Variants in STAB1 observed in about 807,000 individuals in gnomAD.
The protein encoded by STAB1 is stabilin-1.
STAB1 carries 250 observed loss-of-function variants against 332.4 expected under a neutral mutation model. The ratio of observed to expected loss-of-function variants is 0.75; its 90% confidence interval spans 0.68 to 0.84. The LOEUF (loss-of-function observed/expected upper bound fraction) is 0.84, where lower values mean the gene tolerates loss of function less well. STAB1 is among the 40% of genes least tolerant of loss of function. The probability of loss-of-function intolerance (pLI) is 0.00; values close to 1 mark genes in which losing one functional copy is unlikely to be tolerated. For synonymous variants in STAB1, 1,475 were observed against 1,390.4 expected, an observed-to-expected ratio of 1.06 and a Z score of -1.35; for missense variants, 3,249 against 3,489.7, an observed-to-expected ratio of 0.93 and a Z score of 1.74.
chr3:52,510,573 C>G, intron 25 of STAB1, 66 bp downstream of exon 25: 1 of 1,547,988 alleles, frequency 6.5e-7, no homozygotes, highest in Non-Finnish European at 8.7e-7. Context: ...CCCCATCTGA[C>G]TCCTGGAATG....
rs757518891 is a variant in STAB1 at position 52,514,016 on chromosome 3, CG to C, written c.3447+40del. ...GCTGGCAAGAGGGGATGTGCCTGCT[CG>C]GGGGACACTGTGCCCCAGGTCCAGA... On this transcript the variant is annotated intron_variant, in intron 32 of 68. Transcript: ENST00000321725. 1.1e-5 allele frequency: 17 copies of C among 1,592,100 alleles called. No individual in the cohort carries two copies. In the African/African-American group the frequency reaches 1.9e-4, roughly 18 times the overall value.
rs141430355 is a variant in STAB1, at chr3:52,503,858, C to T, written c.978C>T (p.Cys326=). ...TCGCCTTCTGCTCCCCCTTCTCCTGCGACCGGTCTGCCACTTGCCAGGTGA... is the reference window on the plus strand; with the variant it reads ...TCGCCTTCTGCTCCCCCTTCTCCTGTGACCGGTCTGCCACTTGCCAGGTGA... ...GCFAFCSPFS[C]DRSATCQVTA... Residue 326 remains cysteine (C), a synonymous_variant, in exon 9 of 69, where the codon TGC becomes TGT. Transcript: ENST00000321725. 45 of 1,613,260 alleles carry T rather than the reference C, an allele frequency of 2.8e-5. No homozygotes were observed. The highest frequency in any genetic ancestry group is 1.9e-4 in the African/African-American group (14 of 75,050).
chr3:52,506,069 T>G, intron 16 of STAB1, 101 bp from the exon 17 acceptor site: 1 of 1,504,944 alleles, frequency 6.6e-7, no homozygotes. Context: ...GCACAGAGCC[T>G]AGGGACCAAG....
Position 52,511,701 on chromosome 3 carries a change from C to T in STAB1, c.2839C>T (p.Pro947Ser). 1.2e-6 allele frequency: 2 copies of T among 1,608,750 alleles called. No individual in the cohort carries two copies. Among genetic ancestry groups the T allele is most frequent in the African/African-American group, 2.7e-5 (2 of 74,972 alleles). The change falls in exon 26 of 69, where the codon CCC becomes TCC. Residue 947 changes from proline (P) to serine (S), a missense_variant. Coordinates refer to ENST00000321725, the MANE Select transcript of STAB1 (RefSeq NM_015136.3). ...GFAGDGYQCS[P>S]IDPCRAGNGG... ...TGCCGGGGATGGCTACCAGTGCAGC[C>T]CCATCGACCCCTGCCGGGCAGGCAA...
At position 52,512,878 on chromosome 3, in the gene STAB1, C is replaced by T; in HGVS notation, c.3078C>T (p.Pro1026=). 6.2e-7 allele frequency: 1 copy of T among 1,611,780 alleles called. No individual in the cohort carries two copies. The highest frequency in any genetic ancestry group is 8.5e-7 in the Non-Finnish European group (1 of 1,179,910). ...ACCGCCGAGTCACAGCCCTGGTGCCCTCCGAGGCTGCAGTCCGTCAGCTGA... is the reference window on the plus strand; with the variant it reads ...ACCGCCGAGTCACAGCCCTGGTGCCTTCCGAGGCTGCAGTCCGTCAGCTGA... ...PADRRVTALV[P]SEAAVRQLSP... is the part of the protein sequence containing the mutation. The change falls in exon 29 of 69, where the codon CCC becomes CCT. Residue 1026 remains proline (P), a synonymous_variant. Transcript: ENST00000321725.
At chr3:52,517,223 G>C in intron 42 of STAB1, 97 bp from the exon 43 acceptor site, 1 of 1,493,340 alleles carries the variant, frequency 6.7e-7, no homozygotes, top group Non-Finnish European at 8.9e-7. Flanking sequence ...GACTGGGGGC[G>C]CTGAGAGAGG....
In STAB1 at chr3:52,515,006, C is replaced by T. The variant is rs2078810434; in HGVS notation, c.3825C>T (p.Cys1275=). The T allele has an allele frequency of 6.2e-7, 1 of 1,613,444 alleles. No individual in the cohort carries two copies. The highest frequency in any genetic ancestry group is 1.3e-5 in the African/African-American group (1 of 74,934). Residue 1275 remains cysteine, a synonymous_variant, in exon 36 of 69, where the codon TGC becomes TGT. Transcript: ENST00000321725. ...CCCTCTAGGAGAAATGTGTAAACTG[C>T]ACCAGGAGATTCCGCTGCACTCAGG... is the stretch of plus-strand genomic sequence containing the variant. ...AEALREKCVN[C]TRRFRCTQGF...
intron 57 of STAB1, 59 bp from the exon 58 acceptor site, chr3:52,521,785 G>A (rs1575368022): frequency 6.3e-7 from 1 of 1,599,088 alleles, no homozygotes. Context: ...GGGTGGAACG[G>A]GCAGAGGCCA....
chr3:52,513,852 CA>C, intron 31 of STAB1, 30 bp from the exon 32 acceptor site: 1 of 1,612,472 alleles, frequency 6.2e-7, no homozygotes, highest in South Asian at 1.1e-5. Flanking sequence ...GAAGCAATGA[CA>C]TACTGACCAG....
At position 52,515,450 on chromosome 3, in the gene STAB1, C is replaced by T. The variant is rs934265954; in HGVS notation, c.3892C>T (p.Arg1298Ter). Residue 1298 changes from arginine to a stop codon, truncating the protein, a stop_gained, in exon 37 of 69, where the codon CGA becomes TGA. Transcript: ENST00000321725. LOFTEE classifies it high-confidence loss of function. ...CACACCCAGGAAGAGCTGTGTCTAC[C>T]GATCTGGCTTCTCCTTCTCCCGGGG... ...QDTPRKSCVY[R>*]SGFSFSRGCS... 14 of 1,613,330 alleles carry T rather than the reference C, an allele frequency of 8.7e-6. No individual in the cohort carries two copies. The highest frequency in any genetic ancestry group is 1.7e-5 in the Admixed American group (1 of 60,004).
At chr3:52,503,268 C>T in intron 7 of STAB1, 76 bp from the exon 8 acceptor site, 1 of 1,535,874 alleles carries the variant, frequency 6.5e-7, no homozygotes, top group Non-Finnish European at 8.8e-7. Flanking sequence ...TGGCCCCGGC[C>T]TTCCTGGTGA....
chr3:52,501,544 G>T, intron 2 of STAB1, 94 bp from the exon 3 acceptor site: 5 of 1,252,722 alleles, frequency 4.0e-6, no homozygotes, highest in African/African-American at 1.5e-5. Context: ...AGAGCAGGGA[G>T]GTGGGTGGGA....
At chr3:52,501,616 C>G (rs902724504) in intron 2 of STAB1, 22 bp from the exon 3 acceptor site, 3 of 1,545,998 alleles carry the variant, frequency 1.9e-6, no homozygotes, top group Non-Finnish European at 8.7e-7. Flanking sequence ...TTTCCATCAC[C>G]CTGCCCACCC....
rs1187888200 is a variant in STAB1 at position 52,506,813 on chromosome 3, C to G, written c.1952C>G (p.Pro651Arg). 1.2e-6 allele frequency: 2 copies of G among 1,613,102 alleles called. No homozygotes were observed. The highest frequency in any genetic ancestry group is 2.7e-5 in the African/African-American group (2 of 74,952). The change falls in exon 18 of 69, where the codon CCC becomes CGC. Residue 651 changes from proline to arginine, a missense_variant. Physicochemically the swap from Pro to Arg is moderately radical, Grantham distance 103. Coordinates refer to ENST00000321725, the MANE Select transcript of STAB1 (RefSeq NM_015136.3). ...CCCCCGACCATCCTGCCCATCCTGC[C>G]CAAGCACTGCAGCGAGGAGCAGCAC... ...LLPPTILPIL[P>R]KHCSEEQHKI...
At chr3:52,523,790 T>C (rs768290511) in intron 66 of STAB1, 34 bp downstream of exon 66, 3 of 1,589,494 alleles carry the variant, frequency 1.9e-6, no homozygotes, top group Admixed American at 3.4e-5. Context: ...GAGCCCTTCC[T>C]GGCACCCCCA....
In STAB1 at chr3:52,510,028, C is replaced by T. The variant is rs534928583; in HGVS notation, c.2506C>T (p.Arg836Cys). ...GLAQHCHLHARCVSQEGVARC... is the reference protein window; with the variant it reads ...GLAQHCHLHACCVSQEGVARC... ...GGCCCAGCACTGCCACCTGCATGCC[C>T]GCTGTGTTAGCCAGGAGGGTGTTGC... The change falls in exon 23 of 69, where the codon CGC becomes TGC. Residue 836 changes from arginine to cysteine, a missense_variant. Physicochemically the swap from Arg to Cys is radical, Grantham distance 180. Coordinates refer to ENST00000321725, the MANE Select transcript of STAB1 (RefSeq NM_015136.3). 42 of 1,607,698 alleles carry T rather than the reference C, an allele frequency of 2.6e-5. No homozygotes were observed. The highest frequency in any genetic ancestry group is 3.3e-5 in the Non-Finnish European group (39 of 1,176,386).
chr3:52,504,006 C>G, intron 9 of STAB1, 22 bp from the exon 10 acceptor site: 1 of 1,608,130 alleles, frequency 6.2e-7, no homozygotes, highest in Non-Finnish European at 8.5e-7. Flanking sequence ...TCCGCCCTGA[C>G]TGGCTCTCCC....
At chr3:52,496,715 G>T (rs554175090) in intron 1 of STAB1, among the ~76,000 whole-genome samples, 7 of 152,324 alleles carry the variant, frequency 4.6e-5, no homozygotes, top group Middle Eastern at 3.4e-3. Flanking sequence ...AAAGGCCTCC[G>T]CCACCTCCTC....
At position 52,516,378 on chromosome 3, in the gene STAB1, G is replaced by A. The variant is rs764644544; in HGVS notation, c.4167G>A (p.Leu1389=). 1.9e-6 allele frequency: 3 copies of A among 1,609,570 alleles called. No individual in the cohort carries two copies. The Admixed American group carries it at 5.0e-5, about 27-fold the overall frequency. Residue 1389 remains leucine (L), a synonymous_variant, in exon 39 of 69, where the codon CTG becomes CTA. Coordinates refer to ENST00000321725, the MANE Select transcript of STAB1 (RefSeq NM_015136.3). Reference sequence around the variant, plus strand: ...CAGTGTGTGACTGTGCCCATGGGCTGTGCCAGGAGGGGCTGCAAGGGGACG... The same window carrying A: ...CAGTGTGTGACTGTGCCCATGGGCTATGCCAGGAGGGGCTGCAAGGGGACG... The part of the protein sequence containing the change: ...CTGVCDCAHG[L]CQEGLQGDGS...
Sources: gnomAD v4.1 joint callset for allele counts (sites outside exome capture counted in the v4.1 genomes callset) on GRCh38, gnomAD v4.1.1 for gene constraint, MANE v1.5 for transcripts, NCBI Gene and HGNC (gene_info 2026-07-23, HGNC 2026-07-21) for gene names.